The following CNGB1 variants were observed in gnomAD, a reference collection of about 807,000 sequenced individuals.
CNGB1 encodes the protein cyclic nucleotide gated channel subunit beta 1.
Under a neutral mutation model 151.7 loss-of-function variants are expected in CNGB1, and 126 were observed. That is an observed-to-expected ratio of 0.83 (90% CI 0.72 to 0.96). The LOEUF is 0.96. Among genes scored for constraint, CNGB1 ranks in the 40% least tolerant of loss-of-function variants. The pLI, the probability that CNGB1 is intolerant of heterozygous loss-of-function variation, is 0.00. For synonymous variants in CNGB1, 623 were observed against 635.1 expected (o/e 0.98, Z 0.29); for missense variants, 1,698 against 1,627.0 (o/e 1.04, Z -0.75).
intron 2 of CNGB1, among the ~76,000 whole-genome samples, chr16:57,965,663 T>C (rs1962376101): frequency 6.6e-6 from 1 of 151,610 alleles, no homozygotes; most frequent in African/African-American, 2.4e-5. Context: ...TATATACACA[T>C]TCACAGATGC....
intron 14 of CNGB1, among the ~76,000 whole-genome samples, chr16:57,948,070 T>C (rs1445958544): frequency 2.0e-5 from 3 of 152,122 alleles, no homozygotes; most frequent in Non-Finnish European, 4.4e-5. Flanking sequence ...TGAGGTACCA[T>C]GGTGGTCAGA....
At chr16:57,909,480 G>C (rs1960648929) in intron 25 of CNGB1, among the ~76,000 whole-genome samples, 1 of 152,266 alleles carries the variant, frequency 6.6e-6, no homozygotes, top group Admixed American at 6.5e-5. Context: ...CCCCCTTCCG[G>C]GTTCCAGCGA....
intron 17 of CNGB1, among the ~76,000 whole-genome samples, chr16:57,930,222 G>T (rs1380919005): frequency 6.6e-6 from 1 of 152,050 alleles, no homozygotes; most frequent in Non-Finnish European, 1.5e-5. Flanking sequence ...TGTGGGCTGT[G>T]TTGGCAGCTC....
At chr16:57,939,076 GCTGGCAGGAGGGA>G (rs1217577714) in intron 16 of CNGB1, among the ~76,000 whole-genome samples, 1 of 152,168 alleles carries the variant, frequency 6.6e-6, no homozygotes. Flanking sequence ...GGCAGGAGAG[GCTGGCAGGAGGGA>G]CTGGCTGGGA....
chr16:57,911,405 C>T (rs1202943367), intron 25 of CNGB1, among the ~76,000 whole-genome samples: 1 of 152,242 alleles, frequency 6.6e-6, no homozygotes, highest in African/African-American at 2.4e-5. Context: ...TCTCCTGCCT[C>T]AGCCTTCCCA....
chr16:57,916,488 G>T (rs1175939784), intron 21 of CNGB1, among the ~76,000 whole-genome samples: 1 of 152,216 alleles, frequency 6.6e-6, no homozygotes, highest in Admixed American at 6.5e-5. Context: ...GGAATTGGTA[G>T]TCACTCTGAT....
chr16:57,945,935 C>T (rs1334713267), intron 14 of CNGB1, among the ~76,000 whole-genome samples: 1 of 152,206 alleles, frequency 6.6e-6, no homozygotes, highest in Non-Finnish European at 1.5e-5. Flanking sequence ...ACAAAAATCC[C>T]CAGCTATCAA....
intron 1 of CNGB1, among the ~76,000 whole-genome samples, chr16:57,969,791 G>A (rs1172295855): frequency 6.6e-6 from 1 of 152,216 alleles, no homozygotes; most frequent in African/African-American, 2.4e-5. Flanking sequence ...CTGAACCCCT[G>A]CAGGATGGCC....
intron 19 of CNGB1, among the ~76,000 whole-genome samples, chr16:57,919,637 C>T (rs1396733114): frequency 6.6e-6 from 1 of 152,138 alleles, no homozygotes; most frequent in Non-Finnish European, 1.5e-5. Context: ...TTCCCAGTAC[C>T]CATGGCTGGA....
chr16:57,904,805 G>C lies in CNGB1; in HGVS notation c.2563C>G (p.Leu855Val). ...TIGGLPDPKTLFEIVFQLLNY... is the reference protein window; with the variant it reads ...TIGGLPDPKTVFEIVFQLLNY... ...AGCAGCTGGAAGACAATTTCAAAGA[G>C]TGTCTTGGGGTCAGGCAGCCCCCCG... is the stretch of plus-strand genomic sequence containing the variant. The change falls in exon 26 of 33, where the codon CTC (leucine) becomes GTC (valine). Residue 855 changes from leucine (L) to valine (V), a missense_variant. By Grantham distance (32) the Leu-to-Val change is conservative (BLOSUM62 1). Coordinates refer to ENST00000251102, the MANE Select transcript of CNGB1 (RefSeq NM_001297.5). 2 of 1,614,198 alleles carry C rather than the reference G, an allele frequency of 1.2e-6. No individual in the cohort carries two copies. Among genetic ancestry groups the C allele is most frequent in the Non-Finnish European group, 1.7e-6 (2 of 1,180,048 alleles).
intron 2 of CNGB1, among the ~76,000 whole-genome samples, chr16:57,966,827 C>A (rs527576168): frequency 6.6e-6 from 1 of 152,142 alleles, no homozygotes; most frequent in Non-Finnish European, 1.5e-5. Context: ...TCATGCATTA[C>A]CTATAACTGT....
At chr16:57,905,711 G>T (rs1381744940) in intron 25 of CNGB1, among the ~76,000 whole-genome samples, 5 of 152,254 alleles carry the variant, frequency 3.3e-5, no homozygotes, top group Admixed American at 2.0e-4. Flanking sequence ...AAAGGTTCTG[G>T]TGGAGGGTTT....
Position 57,883,962 on chromosome 16 carries a change from A to G in CNGB1, c.*202T>C. The G allele has an allele frequency of 4.6e-6, 3 of 651,356 alleles. No homozygotes were observed. In the South Asian group the frequency reaches 5.6e-5, roughly 12 times the overall value. The allele number at this position is 651,356 out of a possible 1,614,324, so 40.3% of individuals were successfully genotyped here. A position where few individuals can be genotyped will look rare whatever the true frequency, so the allele number is the denominator to read the frequency against. On this transcript the variant is annotated 3_prime_UTR_variant, in exon 33 of 33. Transcript: ENST00000251102. ...CTCGAACACTTGATGCAACTTGTCGAGCTCAGGCCCAGCCCCGCGAGGAGC... is the reference window on the plus strand; with the variant it reads ...CTCGAACACTTGATGCAACTTGTCGGGCTCAGGCCCAGCCCCGCGAGGAGC...
chr16:57,969,397 G>A (rs923547027), intron 1 of CNGB1, among the ~76,000 whole-genome samples: 5 of 151,940 alleles, frequency 3.3e-5, no homozygotes, highest in African/African-American at 1.2e-4. Flanking sequence ...CAGGCAGATC[G>A]CTTGAGCTCA....
intron 1 of CNGB1, among the ~76,000 whole-genome samples, chr16:57,967,723 A>G (rs1597019007): frequency 1.3e-5 from 2 of 152,084 alleles, no homozygotes; most frequent in African/African-American, 4.8e-5. Context: ...ATACACATAC[A>G]TATATATATT....
rs1157226387 is a variant in CNGB1 at position 57,883,410 on chromosome 16, T to C, written c.*754A>G. ...ATCTCAGCTTCCCAAACTGCTGGGA[T>C]TGCAGATGTGAACCACTGTGCAGGG... On this transcript the variant is annotated 3_prime_UTR_variant, in exon 33 of 33. Coordinates refer to ENST00000251102, the MANE Select transcript of CNGB1 (RefSeq NM_001297.5). 1 of 152,848 alleles carries C rather than the reference T, an allele frequency of 6.5e-6. No homozygotes were observed. Among genetic ancestry groups the C allele is most frequent in the Non-Finnish European group, 1.5e-5 (1 of 68,592 alleles). The allele number at this position is 152,848 out of a possible 1,614,324, so 9.5% of individuals were successfully genotyped here.
intron 17 of CNGB1, among the ~76,000 whole-genome samples, chr16:57,928,220 C>G (rs1961246577): frequency 6.6e-6 from 1 of 152,238 alleles, no homozygotes; most frequent in Admixed American, 6.5e-5. Context: ...TCTAACCACT[C>G]AGCAACAAAT....
chr16:57,939,335 G>A, intron 16 of CNGB1, 95 bp downstream of exon 16: 1 of 1,549,174 alleles, frequency 6.5e-7, no homozygotes, highest in Non-Finnish European at 8.9e-7. Context: ...GATGGAGGGA[G>A]AGGAGGAGGG....
chr16:57,912,830 G>T, intron 24 of CNGB1, 100 bp downstream of exon 24: 2 of 1,202,462 alleles, frequency 1.7e-6, no homozygotes, highest in Non-Finnish European at 2.5e-6. Flanking sequence ...TCGTGTGTGT[G>T]TTGTGTGTGT....
Sources: gnomAD v4.1 joint callset for allele counts (sites outside exome capture counted in the v4.1 genomes callset) on GRCh38, gnomAD v4.1.1 for gene constraint, MANE v1.5 for transcripts, NCBI Gene and HGNC (gene_info 2026-07-23, HGNC 2026-07-21) for gene names.